The following ZNF236 variants were observed in gnomAD, a reference collection of about 807,000 sequenced individuals.
ZNF236 encodes the protein zinc finger protein 236, also known as regulated by glucose.
In ZNF236, 50 loss-of-function variants were observed where a neutral mutation model predicts 191.2. The ratio of observed to expected loss-of-function variants is 0.26; its 90% CI spans 0.21 to 0.33. The LOEUF is 0.33. Among genes scored for constraint, ZNF236 ranks in the 10% least tolerant of loss-of-function variants. The probability of loss-of-function intolerance (pLI) is 1.00; values close to 1 mark genes in which losing one functional copy is unlikely to be tolerated. For missense variants in ZNF236, 1,754 were observed against 2,374.5 expected (o/e 0.74, Z 5.43); for synonymous variants, 907 against 928.8 (o/e 0.98, Z 0.43).
chr18:76,829,484 C>T (rs1479824864), intron 1 of ZNF236, among the ~76,000 whole-genome samples: 3 of 152,086 alleles, frequency 2.0e-5, no homozygotes, highest in Admixed American at 6.6e-5. Context: ...CGTGCTACTA[C>T]GCCCGGCTAA....
intron 26 of ZNF236, among the ~76,000 whole-genome samples, chr18:76,944,847 T>C (rs1355062246): frequency 6.6e-6 from 1 of 152,214 alleles, no homozygotes; most frequent in Admixed American, 6.5e-5. Flanking sequence ...TAAATTACAT[T>C]GTATTCAAGT....
chr18:76,870,297 T>C (rs917515159), intron 4 of ZNF236, among the ~76,000 whole-genome samples: 3 of 152,146 alleles, frequency 2.0e-5, no homozygotes, highest in Admixed American at 6.5e-5. Context: ...CCCAACCAAT[T>C]TGATGGTAAT....
intron 6 of ZNF236, among the ~76,000 whole-genome samples, 192 bp from the exon 7 acceptor site, chr18:76,877,817 C>T (rs758383107): frequency 3.3e-5 from 5 of 151,978 alleles, no homozygotes; most frequent in Middle Eastern, 3.4e-3. Context: ...CATCTTATAC[C>T]GGCAATATTG....
intron 9 of ZNF236, among the ~76,000 whole-genome samples, chr18:76,884,316 G>A (rs760032712): frequency 1.3e-5 from 2 of 151,460 alleles, no homozygotes; most frequent in African/African-American, 2.4e-5. Context: ...CAGGATAATC[G>A]CTTGAACCCG....
At chr18:76,869,506 T>G (rs899372409) in intron 4 of ZNF236, among the ~76,000 whole-genome samples, 2 of 152,212 alleles carry the variant, frequency 1.3e-5, no homozygotes. Context: ...TTTAAAAATT[T>G]TATATTTTGC....
intron 25 of ZNF236, among the ~76,000 whole-genome samples, chr18:76,931,559 G>A (rs1000218471): frequency 9.9e-5 from 15 of 151,878 alleles, no homozygotes; most frequent in African/African-American, 3.2e-4. Flanking sequence ...CTAACCCAGC[G>A]CTGGAAGACT....
At chr18:76,910,633 G>C (rs1057032344) in intron 15 of ZNF236, 27 bp from the exon 16 acceptor site, 5 of 1,596,366 alleles carry the variant, frequency 3.1e-6, no homozygotes, top group South Asian at 2.3e-5. Context: ...TATTTTTGTA[G>C]AACTCCTCTT....
chr18:76,831,273 T>G (rs1975162094), intron 1 of ZNF236, among the ~76,000 whole-genome samples: 1 of 152,200 alleles, frequency 6.6e-6, no homozygotes, highest in Admixed American at 6.5e-5. Flanking sequence ...TAGTTTTGCC[T>G]TCCCCAGAAT....
chr18:76,843,803 A>AAAAAG (rs71172383), intron 1 of ZNF236, among the ~76,000 whole-genome samples: 1,008 of 62,042 alleles, frequency 0.016, 322 homozygotes, highest in African/African-American at 0.042. Context: ...AAAAAAAAAA[A>AAAAAG]AAGTAAAGAA....
At position 76,905,397 on chromosome 18, in the gene ZNF236, A is replaced by G. The variant is rs754854927; in HGVS notation, c.2279A>G (p.Lys760Arg). Reference protein sequence around the residue: ...KTFKTSLNCKKHMKTHRYELA... With the variant: ...KTFKTSLNCKRHMKTHRYELA... ...TTTAAGACTTCACTAAATTGCAAAAAGCACATGAAAACCCACAGGTGGGTG... is the reference window on the plus strand; with the variant it reads ...TTTAAGACTTCACTAAATTGCAAAAGGCACATGAAAACCCACAGGTGGGTG... Residue 760 changes from lysine (K) to arginine (R), a missense_variant, in exon 13 of 31, where the codon AAG becomes AGG. This residue lies in a region of ZNF236 where 641 missense variants were observed against 869.6 expected (regional missense o/e 0.74). Transcript: ENST00000320610. The G allele has an allele frequency of 1.2e-6, 2 of 1,614,092 alleles. No homozygotes were observed. The highest frequency in any genetic ancestry group is 1.7e-6 in the Non-Finnish European group (2 of 1,179,916).
intron 18 of ZNF236, among the ~76,000 whole-genome samples, chr18:76,914,302 C>A (rs769706237): frequency 1.3e-5 from 2 of 152,172 alleles, no homozygotes. Flanking sequence ...GGATATGCCA[C>A]GTCTTATTGA....
At chr18:76,882,618 C>T (rs1256763350) in intron 9 of ZNF236, among the ~76,000 whole-genome samples, 1 of 152,184 alleles carries the variant, frequency 6.6e-6, no homozygotes, top group Admixed American at 6.5e-5. Context: ...ATAACATTGC[C>T]ATTTCTGTTA....
chr18:76,882,425 A>G (rs1976925941), intron 9 of ZNF236, among the ~76,000 whole-genome samples: 1 of 152,212 alleles, frequency 6.6e-6, no homozygotes, highest in South Asian at 2.1e-4. Context: ...CTTTCTGGCC[A>G]GGAATACAGC....
At chr18:76,908,140 C>T (rs150218265) in intron 13 of ZNF236, among the ~76,000 whole-genome samples, 180 bp from the exon 14 acceptor site, 10 of 152,264 alleles carry the variant, frequency 6.6e-5, no homozygotes, top group Middle Eastern at 3.4e-3. Flanking sequence ...ATAAGGCAAA[C>T]GAGCTCTCTT....
chr18:76,899,021 G>A lies in ZNF236; in HGVS notation c.1693G>A (p.Val565Ile). The change falls in exon 11 of 31, where the codon GTT (valine) becomes ATT (isoleucine). Residue 565 changes from valine to isoleucine, a missense_variant and splice_region_variant. By Grantham distance (29) the Val-to-Ile change is conservative. This residue lies in a region of ZNF236 where 641 missense variants were observed against 869.6 expected (regional missense o/e 0.74). Transcript: ENST00000320610. ...AAATGTGATTTCATTTTTATTAGGA[G>A]TTAGACCTTTTGCTTGTCCTCACTG... ...LKVHIRLHTG[V>I]RPFACPHCDK... 2.5e-6 allele frequency: 4 copies of A among 1,613,516 alleles called. No homozygotes were observed. Among genetic ancestry groups the A allele is most frequent in the Non-Finnish European group, 3.4e-6 (4 of 1,179,448 alleles).
At position 76,880,388 on chromosome 18, in the gene ZNF236, G is replaced by T; in HGVS notation, c.1188+72G>T. Reference sequence around the variant, plus strand: ...GTCAGAAACCAGGGATGATAATTGAGAATAAATCTGCAGGGCTTGTCAAAG... The same window carrying T: ...GTCAGAAACCAGGGATGATAATTGATAATAAATCTGCAGGGCTTGTCAAAG... On this transcript the variant is annotated intron_variant, in intron 8 of 30. Transcript: ENST00000320610. This position sits in a 1 kb window ranked among gnomAD's most constrained non-coding sequence, Gnocchi z 5.0. The T allele has an allele frequency of 1.4e-6, 2 of 1,441,824 alleles. No individual in the cohort carries two copies. Among genetic ancestry groups the T allele is most frequent in the Middle Eastern group, 5.1e-4 (2 of 3,914 alleles). The allele number at this position is 1,441,824 out of a possible 1,614,324, so 89.3% of individuals were successfully genotyped here. A position where few individuals can be genotyped will look rare whatever the true frequency, so the allele number is the denominator to read the frequency against.
At chr18:76,852,493 AT>A (rs1599332004) in intron 3 of ZNF236, among the ~76,000 whole-genome samples, 1 of 152,086 alleles carries the variant, frequency 6.6e-6, no homozygotes, top group East Asian at 1.9e-4. Flanking sequence ...GCCAATGGCT[AT>A]TGCTTAAAAA....
chr18:76,956,908 G>A (rs1370809061), intron 28 of ZNF236, among the ~76,000 whole-genome samples: 2 of 152,202 alleles, frequency 1.3e-5, no homozygotes, highest in African/African-American at 2.4e-5. Flanking sequence ...CCCAGCGGCC[G>A]TGGGCAGCAT....
Position 76,966,772 on chromosome 18 carries a change from T to C in ZNF236, c.5420-1443T>C, listed in dbSNP as rs376429518. Among the ~76,000 whole-genome samples, 474 of 152,364 alleles carry C rather than the reference T, an allele frequency of 3.1e-3. 2 individuals are homozygous for C. The highest frequency in any genetic ancestry group is 0.011 in the African/African-American group (460 of 41,592). ...TTGGGGTGTGATCCTACTGCTTGTCTGTCCCTTGTTCACCTTTGTTTCCTA... is the reference window on the plus strand; with the variant it reads ...TTGGGGTGTGATCCTACTGCTTGTCCGTCCCTTGTTCACCTTTGTTTCCTA... On this transcript the variant is annotated intron_variant, in intron 30 of 30. Coordinates refer to ENST00000320610, the MANE Select transcript of ZNF236 (RefSeq NM_001306089.2).
Sources: gnomAD v4.1 joint callset for allele counts (sites outside exome capture counted in the v4.1 genomes callset) on GRCh38, gnomAD v4.1.1 for gene constraint, gnomAD v4.1.1 regional missense constraint, Gnocchi (gnomAD v3.1) non-coding constraint, MANE v1.5 for transcripts, NCBI Gene and HGNC (gene_info 2026-07-23, HGNC 2026-07-21) for gene names.